The following TTC27 variants were observed in gnomAD, a reference collection of about 807,000 sequenced individuals.
The protein encoded by TTC27 is tetratricopeptide repeat protein 27.
A neutral mutation model predicts 115.9 loss-of-function variants in TTC27; 79 were observed. The ratio of observed to expected loss-of-function variants is 0.68; its 90% CI spans 0.57 to 0.82. The LOEUF (loss-of-function observed/expected upper bound fraction) is 0.82. Ranked by LOEUF, TTC27 falls within the 40% of genes least tolerant of loss-of-function variation. TTC27 has a pLI of 0.00. For missense variants in TTC27, 1,054 were observed against 993.1 expected (o/e 1.06, Z -0.82); for synonymous variants, 401 against 356.0 (o/e 1.13, Z -1.42).
chr2:32,797,367 A>G (rs534105001), intron 16 of TTC27, among the ~76,000 whole-genome samples: 72 of 151,772 alleles, frequency 4.7e-4, no homozygotes, highest in African/African-American at 1.6e-3. Context: ...CTGTGGAGAC[A>G]GCGTTTTGCT....
At chr2:32,810,130 A>AG (rs1671269096) in intron 16 of TTC27, among the ~76,000 whole-genome samples, 2 of 151,710 alleles carry the variant, frequency 1.3e-5, no homozygotes, top group East Asian at 1.9e-4. Context: ...AAAAAAAAAA[A>AG]TGGTGAGCCA....
rs1211222073 is a variant in TTC27, at chr2:32,792,263, G to A, written c.1998+5114G>A. Among the ~76,000 whole-genome samples, 12 of 152,184 alleles carry A rather than the reference G, an allele frequency of 7.9e-5. No homozygotes were observed. The East Asian group carries it at 2.3e-3, about 29-fold the overall frequency. ...AAGTTCTGGGACACTTGCTGGCTGT[G>A]CATTACCCGAAAGTAAAGAGAAGAG... On this transcript the variant is annotated intron_variant, in intron 16 of 19. Transcript: ENST00000317907.
In TTC27 at chr2:32,672,308, A is replaced by G; in HGVS notation, c.976A>G (p.Ile326Val). Residue 326 changes from isoleucine to valine, a missense_variant, in exon 8 of 20, where the codon ATA becomes GTA. Coordinates refer to ENST00000317907, the MANE Select transcript of TTC27 (RefSeq NM_017735.5). Reference sequence around the variant, plus strand: ...CAATGATGACACCATTCTGAATGACATAAAGTTAGCAGATTGTGAACAGTT... The same window carrying G: ...CAATGATGACACCATTCTGAATGACGTAAAGTTAGCAGATTGTGAACAGTT... Reference protein sequence around the residue: ...ELNDDTILNDIKLADCEQFQM... With the variant: ...ELNDDTILNDVKLADCEQFQM... 1 of 1,613,950 alleles carries G rather than the reference A, an allele frequency of 6.2e-7. No homozygotes were observed. The highest frequency in any genetic ancestry group is 8.5e-7 in the Non-Finnish European group (1 of 1,179,882).
At chr2:32,708,256 A>G (rs1488594986) in intron 10 of TTC27, among the ~76,000 whole-genome samples, 1 of 140,906 alleles carries the variant, frequency 7.1e-6, no homozygotes, top group Non-Finnish European at 1.5e-5. Flanking sequence ...TGAATAGTAA[A>G]TATATTTTCT....
chr2:32,646,979 GTT>G (rs796575143), intron 4 of TTC27, among the ~76,000 whole-genome samples: 5 of 137,036 alleles, frequency 3.6e-5, no homozygotes, highest in Admixed American at 1.5e-4. Context: ...TTTGTTTTTT[GTT>G]TTTTTTTTTT....
chr2:32,756,240 C>T (rs115309670), intron 12 of TTC27, among the ~76,000 whole-genome samples: 2,100 of 152,342 alleles, frequency 0.014, 41 homozygotes, highest in African/African-American at 0.048. Context: ...GGGTACCATA[C>T]CGTCAGTATC....
chr2:32,667,910 C>G (rs1203558794), intron 7 of TTC27, among the ~76,000 whole-genome samples: 1 of 150,932 alleles, frequency 6.6e-6, no homozygotes, highest in East Asian at 2.0e-4. Context: ...AAAATTAGGC[C>G]AGGTGCAGTG....
At chr2:32,738,192 A>G (rs1046575816) in intron 12 of TTC27, among the ~76,000 whole-genome samples, 1 of 152,182 alleles carries the variant, frequency 6.6e-6, no homozygotes, top group Non-Finnish European at 1.5e-5. Flanking sequence ...CTAAAAGCAT[A>G]TAGCCTCTGG....
At chr2:32,679,874 C>T (rs1666356195) in intron 9 of TTC27, among the ~76,000 whole-genome samples, 1 of 152,026 alleles carries the variant, frequency 6.6e-6, no homozygotes, top group African/African-American at 2.4e-5. Flanking sequence ...TGTCTGTAAC[C>T]CCAGCTACTC....
chr2:32,792,785 A>C (rs1670580972), intron 16 of TTC27, among the ~76,000 whole-genome samples: 1 of 152,268 alleles, frequency 6.6e-6, no homozygotes. Flanking sequence ...CTTTAGGCCA[A>C]GACTTTGATG....
intron 12 of TTC27, among the ~76,000 whole-genome samples, chr2:32,753,466 C>G (rs545082954): frequency 1.4e-3 from 144 of 100,968 alleles, no homozygotes; most frequent in African/African-American, 5.6e-3. Context: ...GAGACAGAGT[C>G]TCTCTCTGTC....
intron 3 of TTC27, among the ~76,000 whole-genome samples, chr2:32,634,647 TTAAC>T (rs1459804889): frequency 2.0e-5 from 3 of 151,616 alleles, no homozygotes; most frequent in Non-Finnish European, 2.9e-5. Context: ...AGGTAAGTTT[TTAAC>T]TAATTAATTA....
chr2:32,709,805 A>G (rs1667514501), intron 10 of TTC27, among the ~76,000 whole-genome samples: 1 of 152,044 alleles, frequency 6.6e-6, no homozygotes, highest in African/African-American at 2.4e-5. Flanking sequence ...TAGAGCAAAG[A>G]GGGAAGGTGA....
intron 13 of TTC27, among the ~76,000 whole-genome samples, chr2:32,773,947 A>G (rs1006432835): frequency 6.6e-6 from 1 of 152,192 alleles, no homozygotes; most frequent in Non-Finnish European, 1.5e-5. Context: ...ATGTGTGACA[A>G]TGGACACTTG....
At chr2:32,708,248 A>G (rs964624618) in intron 10 of TTC27, among the ~76,000 whole-genome samples, 4 of 148,536 alleles carry the variant, frequency 2.7e-5, no homozygotes, top group African/African-American at 9.9e-5. Flanking sequence ...CCAGTTAATG[A>G]ATAGTAAATA....
At chr2:32,714,708 A>G (rs1369232227) in intron 10 of TTC27, among the ~76,000 whole-genome samples, 2 of 152,174 alleles carry the variant, frequency 1.3e-5, no homozygotes, top group African/African-American at 2.4e-5. Flanking sequence ...ATTCCCATCA[A>G]CGGTATGTAA....
At chr2:32,638,861 C>G (rs1664525801) in intron 3 of TTC27, among the ~76,000 whole-genome samples, 1 of 151,914 alleles carries the variant, frequency 6.6e-6, no homozygotes, top group Admixed American at 6.6e-5. Context: ...GATACGGAGT[C>G]TTGCTCTGTC....
chr2:32,703,479 A>C (rs1416115359), intron 10 of TTC27, among the ~76,000 whole-genome samples: 1 of 152,186 alleles, frequency 6.6e-6, no homozygotes, highest in African/African-American at 2.4e-5. Flanking sequence ...AATAATAATA[A>C]TAATAATGGC....
chr2:32,700,593 A>G (rs1667151381), intron 9 of TTC27, among the ~76,000 whole-genome samples: 1 of 152,166 alleles, frequency 6.6e-6, no homozygotes, highest in African/African-American at 2.4e-5. Context: ...ATCGAAGTGC[A>G]GTGGTGCAAT....
Sources: allele counts gnomAD v4.1 joint callset (sites outside exome capture counted in the v4.1 genomes callset), GRCh38; gene constraint gnomAD v4.1.1; transcripts MANE v1.5; gene names NCBI Gene and HGNC (gene_info 2026-07-23, HGNC 2026-07-21).